ATP8B4: variants seen among roughly 807,000 people sequenced by gnomAD.
ATP8B4 encodes the protein probable phospholipid-transporting ATPase IM.
Under a neutral mutation model 145.6 loss-of-function variants are expected in ATP8B4, and 133 were observed. The observed-to-expected ratio is 0.91, with a 90% CI of 0.79 to 1.05. The LOEUF (loss-of-function observed/expected upper bound fraction) is 1.05, where lower values mean the gene tolerates loss of function less well. Ranked by LOEUF, ATP8B4 falls within the 50% of genes least tolerant of loss-of-function variation. ATP8B4 has a pLI of 0.00. For missense variants in ATP8B4, 1,458 were observed against 1,425.2 expected (o/e 1.02, Z -0.37); for synonymous variants, 507 against 492.9 (o/e 1.03, Z -0.38).
chr15:50,111,199 A>G (rs865929368), intron 1 of ATP8B4, among the ~76,000 whole-genome samples: 1 of 152,274 alleles, frequency 6.6e-6, no homozygotes, highest in Middle Eastern at 3.4e-3. Context: ...TAAAATGGAG[A>G]GTCTCTTTAA....
chr15:49,864,644 A>C (rs2032461716), intron 26 of ATP8B4, among the ~76,000 whole-genome samples: 1 of 152,178 alleles, frequency 6.6e-6, no homozygotes, highest in African/African-American at 2.4e-5. Context: ...CTCTTTGTAG[A>C]ATAATAGAAT....
chr15:49,942,868 T>A (rs1379472838), intron 14 of ATP8B4, among the ~76,000 whole-genome samples: 2 of 151,902 alleles, frequency 1.3e-5, no homozygotes, highest in East Asian at 3.9e-4. Context: ...CAAAATAAAA[T>A]TCCAGAAATT....
At chr15:50,079,413 G>A (rs73400832) in intron 2 of ATP8B4, among the ~76,000 whole-genome samples, 5,948 of 152,156 alleles carry the variant, frequency 0.039, 394 homozygotes, top group African/African-American at 0.14. Context: ...AAATGCCACA[G>A]AATAAAGGAA....
At chr15:50,148,674 C>A (rs1365684842) in intron 1 of ATP8B4, among the ~76,000 whole-genome samples, 1 of 152,096 alleles carries the variant, frequency 6.6e-6, no homozygotes, top group Non-Finnish European at 1.5e-5. Flanking sequence ...AATTTCTGTT[C>A]TTTATAAATT....
chr15:50,110,004 G>C (rs1160993672), intron 1 of ATP8B4, among the ~76,000 whole-genome samples: 2 of 152,122 alleles, frequency 1.3e-5, no homozygotes, highest in Non-Finnish European at 2.9e-5. Flanking sequence ...TGTTGCTACT[G>C]TTAATTTCTC....
chr15:49,897,252 A>G lies in ATP8B4; in HGVS notation c.2697+40T>C, dbSNP rs1566946405. 2.6e-6 allele frequency: 4 copies of G among 1,535,186 alleles called. No homozygotes were observed. The Admixed American group carries it at 5.2e-5, about 20-fold the overall frequency. On this transcript the variant is annotated intron_variant, in intron 23 of 27. Transcript: ENST00000284509. ...GTCATTTGTAATATCATACAAAAAC[A>G]AACAAACAAACAAACAAAAAAAAAC...
intron 14 of ATP8B4, among the ~76,000 whole-genome samples, chr15:49,947,748 T>G (rs2042703170): frequency 6.6e-6 from 1 of 152,078 alleles, no homozygotes; most frequent in Non-Finnish European, 1.5e-5. Flanking sequence ...ATCAAAGCAG[T>G]GGGGTACTGG....
intron 1 of ATP8B4, among the ~76,000 whole-genome samples, chr15:50,141,530 T>C (rs1050251070): frequency 6.6e-6 from 1 of 152,168 alleles, no homozygotes; most frequent in African/African-American, 2.4e-5. Context: ...AACAGGCATT[T>C]CACTCACCAA....
chr15:49,970,182 G>T (rs947571908), intron 13 of ATP8B4, among the ~76,000 whole-genome samples: 1 of 152,082 alleles, frequency 6.6e-6, no homozygotes, highest in Non-Finnish European at 1.5e-5. Flanking sequence ...ATGGGCAAAA[G>T]CTGGAAGCAT....
At position 49,898,061 on chromosome 15, in the gene ATP8B4, C is replaced by T; in HGVS notation, c.2473+7G>A. 6.2e-7 allele frequency: 1 copy of T among 1,613,468 alleles called. No individual in the cohort carries two copies. The highest frequency in any genetic ancestry group is 8.5e-7 in the Non-Finnish European group (1 of 1,179,604). ...CAGCATACCCCATTGAGCAAATATC[C>T]TCTTACTTTTAATCATGCTGACATC... On this transcript the variant is annotated splice_region_variant and intron_variant, in intron 22 of 27. Transcript: ENST00000284509.
At chr15:50,082,624 A>G (rs1287902031) in intron 2 of ATP8B4, among the ~76,000 whole-genome samples, 2 of 152,222 alleles carry the variant, frequency 1.3e-5, no homozygotes, top group African/African-American at 2.4e-5. Context: ...TCTAGGATAC[A>G]TGAACTGGAT....
intron 1 of ATP8B4, among the ~76,000 whole-genome samples, chr15:50,145,991 C>G (rs1326692913): frequency 6.7e-6 from 1 of 149,498 alleles, no homozygotes; most frequent in Non-Finnish European, 1.5e-5. Context: ...ATAGTTTTTA[C>G]TCTTGAACCA....
At chr15:50,159,426 T>C (rs2044482337) in intron 1 of ATP8B4, among the ~76,000 whole-genome samples, 1 of 152,240 alleles carries the variant, frequency 6.6e-6, no homozygotes, top group African/African-American at 2.4e-5. Flanking sequence ...AATATGAGAT[T>C]ATATCATCGT....
At chr15:49,942,230 T>C (rs779707185) in intron 14 of ATP8B4, among the ~76,000 whole-genome samples, 15 of 151,828 alleles carry the variant, frequency 9.9e-5, no homozygotes, top group Non-Finnish European at 1.9e-4. Flanking sequence ...GAAACCTCTA[T>C]AGGAATCATA....
intron 1 of ATP8B4, among the ~76,000 whole-genome samples, chr15:50,180,751 C>T (rs1427399910): frequency 6.6e-6 from 1 of 152,120 alleles, no homozygotes; most frequent in African/African-American, 2.4e-5. Flanking sequence ...AGGCCCCCAG[C>T]TCATCCCCAG....
At chr15:50,060,690 A>G (rs8024393) in intron 3 of ATP8B4, among the ~76,000 whole-genome samples, 9,082 of 152,200 alleles carry the variant, frequency 0.06, 418 homozygotes, top group African/African-American at 0.13. Context: ...ACTACTAACT[A>G]AAATAAGAGA....
chr15:49,953,195 A>T (rs7175946), intron 14 of ATP8B4, among the ~76,000 whole-genome samples: 5,857 of 151,952 alleles, frequency 0.039, 147 homozygotes, highest in South Asian at 0.086. Flanking sequence ...GCTGGGTGGC[A>T]TGGGGAGCAG....
At chr15:49,909,253 A>G (rs2038963884) in intron 20 of ATP8B4, among the ~76,000 whole-genome samples, 1 of 152,034 alleles carries the variant, frequency 6.6e-6, no homozygotes, top group South Asian at 2.1e-4. Context: ...CTCCTCCCAG[A>G]GACTGGAAGA....
chr15:50,074,325 T>G, intron 2 of ATP8B4, 140 bp from the exon 3 acceptor site: 1 of 721,520 alleles, frequency 1.4e-6, no homozygotes, highest in Admixed American at 2.9e-5. Flanking sequence ...TATTGGCTTT[T>G]TCCAGTGTAC....
Sources: allele counts gnomAD v4.1 joint callset (sites outside exome capture counted in the v4.1 genomes callset), GRCh38; gene constraint gnomAD v4.1.1; transcripts MANE v1.5; gene names NCBI Gene and HGNC (gene_info 2026-07-23, HGNC 2026-07-21).